RANBP9: variants seen among roughly 807,000 people sequenced by gnomAD.
RANBP9 encodes RAN binding protein 9, also known as ran-binding protein 9.
A neutral mutation model predicts 84.3 loss-of-function variants in RANBP9; 15 were observed. That is an observed-to-expected ratio of 0.18 (90% CI 0.12 to 0.27). The LOEUF (loss-of-function observed/expected upper bound fraction) is 0.27. Among genes scored for constraint, RANBP9 ranks in the 10% least tolerant of loss-of-function variants. The pLI is 1.00. For missense variants in RANBP9, 809 were observed against 912.8 expected, an observed-to-expected ratio of 0.89 and a Z score of 1.46; for synonymous variants, 392 against 349.6, an observed-to-expected ratio of 1.12 and a Z score of -1.35.
Position 13,637,669 on chromosome 6 carries a change from G to C in RANBP9, c.1673+139C>G, listed in dbSNP as rs148137738. 1.6e-3 allele frequency: 1,230 copies of C among 790,426 alleles called. 12 individuals are homozygous for C. The African/African-American group carries it at 0.02, about 13-fold the overall frequency. 49.0% of individuals were successfully genotyped at this position (790,426 alleles called of 1,614,324 possible). On this transcript the variant is annotated intron_variant, in intron 10 of 13. Transcript: ENST00000011619. ...AAGCTTTGGGGAACTGACTCCCTAC[G>C]CTTTTATTCTCTGGGGGCTTAAGAA...
At chr6:13,635,147 C>A (rs1764903829) in intron 10 of RANBP9, among the ~76,000 whole-genome samples, 1 of 152,174 alleles carries the variant, frequency 6.6e-6, no homozygotes. Flanking sequence ...TCTCTCATCC[C>A]TTTTCACCAC....
At chr6:13,650,541 G>T (rs141335071) in intron 5 of RANBP9, among the ~76,000 whole-genome samples, 25 of 152,226 alleles carry the variant, frequency 1.6e-4, no homozygotes, top group African/African-American at 5.1e-4. Flanking sequence ...GCACAGGAGC[G>T]ATTTGTTAAA....
chr6:13,661,617 T>C (rs1765539614), intron 2 of RANBP9, among the ~76,000 whole-genome samples: 1 of 152,082 alleles, frequency 6.6e-6, no homozygotes, highest in African/African-American at 2.4e-5. Context: ...TATTTAGGAA[T>C]ATACTAAAAG....
intron 4 of RANBP9, among the ~76,000 whole-genome samples, 185 bp downstream of exon 4, chr6:13,656,924 A>T (rs980225975): frequency 6.6e-6 from 1 of 152,176 alleles, no homozygotes; most frequent in African/African-American, 2.4e-5. Flanking sequence ...TGGCCTTCAC[A>T]GAATATAAAT....
At chr6:13,666,589 C>A (rs916301535) in intron 2 of RANBP9, among the ~76,000 whole-genome samples, 3 of 92,634 alleles carry the variant, frequency 3.2e-5, no homozygotes, top group African/African-American at 7.4e-5. Flanking sequence ...CAGCCTGGGA[C>A]CCCGTCTCTC....
chr6:13,692,944 C>A (rs1194978002), intron 2 of RANBP9, among the ~76,000 whole-genome samples: 6 of 152,180 alleles, frequency 3.9e-5, no homozygotes. Flanking sequence ...CCTTTAAAAG[C>A]CAGCTATAAG....
At chr6:13,708,092 C>T (rs181328113) in intron 1 of RANBP9, among the ~76,000 whole-genome samples, 1 of 152,230 alleles carries the variant, frequency 6.6e-6, no homozygotes, top group Admixed American at 6.5e-5. Context: ...ATACTGCTTC[C>T]AAAAGCAGTA....
chr6:13,711,035 G>A lies in RANBP9; in HGVS notation c.471C>T (p.Ala157=), dbSNP rs141963588. 5.6e-6 allele frequency: 9 copies of A among 1,598,644 alleles called. No homozygotes were observed. The African/African-American group carries it at 6.7e-5, about 12-fold the overall frequency. Residue 157 remains alanine (A), a synonymous_variant, in exon 1 of 14, where the codon GCC becomes GCT. Coordinates refer to ENST00000011619, the MANE Select transcript of RANBP9 (RefSeq NM_005493.3). ...LQRRLKRLYP[A]VDEQETPLPR... is the part of the protein sequence containing the mutation. ...GCAGCGGCGTCTCTTGTTCGTCCAC[G>A]GCCGGGTAGAGACGCTTCAGCCGCC...
intron 1 of RANBP9, among the ~76,000 whole-genome samples, chr6:13,705,858 G>A (rs1758098355): frequency 2.1e-5 from 2 of 95,642 alleles, no homozygotes; most frequent in Admixed American, 1.5e-4. Context: ...GACAGAGCAA[G>A]ACTCCGTCTC....
At chr6:13,680,016 T>G (rs1402681389) in intron 2 of RANBP9, among the ~76,000 whole-genome samples, 1 of 151,980 alleles carries the variant, frequency 6.6e-6, no homozygotes, top group South Asian at 2.1e-4. Flanking sequence ...GAACACAAAG[T>G]AAAAGACCCC....
At chr6:13,634,656 T>A (rs971285558) in intron 10 of RANBP9, 104 bp from the exon 11 acceptor site, 1 of 1,077,488 alleles carries the variant, frequency 9.3e-7, no homozygotes. Flanking sequence ...ACTAATTTCA[T>A]AAGGCAACAG....
chr6:13,679,574 T>C (rs11966351), intron 2 of RANBP9, among the ~76,000 whole-genome samples: 2,062 of 152,312 alleles, frequency 0.014, 47 homozygotes, highest in African/African-American at 0.046. Context: ...AGACACAAAA[T>C]TGTTTATGTT....
At chr6:13,633,424 G>A (rs1181961658) in intron 11 of RANBP9, among the ~76,000 whole-genome samples, 2 of 152,242 alleles carry the variant, frequency 1.3e-5, no homozygotes, top group Middle Eastern at 3.2e-3. Context: ...TGACGATGAT[G>A]ATGGTTAATA....
chr6:13,703,012 G>T (rs954640217), intron 1 of RANBP9, among the ~76,000 whole-genome samples: 1 of 152,162 alleles, frequency 6.6e-6, no homozygotes, highest in Admixed American at 6.5e-5. Context: ...CATTTCTAGG[G>T]AAGGTGGGGA....
intron 2 of RANBP9, among the ~76,000 whole-genome samples, chr6:13,686,101 C>CT (rs1766172381): frequency 4.2e-5 from 1 of 23,812 alleles, no homozygotes; most frequent in Admixed American, 6.7e-4. Flanking sequence ...AAAATTTCTT[C>CT]CCCCCCCCCC....
chr6:13,642,497 A>G lies in RANBP9; in HGVS notation c.1207T>C (p.Ser403Pro). ...TDQTVLEELA[S>P]IKNRQRIQKL... ...TCCTTACTTTGTCTATTCTTAATGG[A>G]AGCTAATTCTTCTAGAACGGTCTGG... Residue 403 changes from serine to proline, a missense_variant, in exon 7 of 14, where the codon TCC becomes CCC. Ser to Pro is a moderately conservative substitution (Grantham distance 74). Transcript: ENST00000011619. 6.3e-7 allele frequency: 1 copy of G among 1,595,602 alleles called. No individual in the cohort carries two copies. The highest frequency in any genetic ancestry group is 2.3e-5 in the East Asian group (1 of 44,194).
At chr6:13,623,022 C>T (rs1449262191) in intron 13 of RANBP9, among the ~76,000 whole-genome samples, 2 of 152,134 alleles carry the variant, frequency 1.3e-5, no homozygotes, top group Non-Finnish European at 1.5e-5. Flanking sequence ...AGTGAGAGAA[C>T]ATACAGCAGA....
At chr6:13,664,928 G>T (rs780294913) in intron 2 of RANBP9, among the ~76,000 whole-genome samples, 2 of 152,090 alleles carry the variant, frequency 1.3e-5, no homozygotes, top group Non-Finnish European at 2.9e-5. Flanking sequence ...ATAGATCAAT[G>T]CAACAGATTA....
chr6:13,664,457 C>CTT (rs1554224407), intron 2 of RANBP9, among the ~76,000 whole-genome samples: 21 of 151,068 alleles, frequency 1.4e-4, no homozygotes, highest in African/African-American at 4.9e-4. Flanking sequence ...CCACAATAGG[C>CTT]TTTTCTTTTT....
Sources: gnomAD v4.1 joint callset for allele counts (sites outside exome capture counted in the v4.1 genomes callset) on GRCh38, gnomAD v4.1.1 for gene constraint, MANE v1.5 for transcripts, NCBI Gene and HGNC (gene_info 2026-07-23, HGNC 2026-07-21) for gene names.